CNTNAP5: variants seen among roughly 807,000 people sequenced by gnomAD.
CNTNAP5 encodes contactin-associated protein-like 5.
In CNTNAP5, 72 loss-of-function variants were observed where a neutral mutation model predicts 150.2. That is an observed-to-expected ratio of 0.48 (90% CI 0.40 to 0.58). The LOEUF (loss-of-function observed/expected upper bound fraction) is 0.58, where lower values mean the gene tolerates loss of function less well. Among genes scored for constraint, CNTNAP5 ranks in the 20% least tolerant of loss-of-function variants. The pLI is 0.00. For missense variants in CNTNAP5, 1,636 were observed against 1,626.2 expected, an observed-to-expected ratio of 1.01 and a Z score of -0.10; for synonymous variants, 672 against 619.8, an observed-to-expected ratio of 1.08 and a Z score of -1.25.
intron 10 of CNTNAP5, among the ~76,000 whole-genome samples, chr2:124,561,017 G>A (rs540308375): frequency 1.3e-5 from 2 of 152,064 alleles, no homozygotes; most frequent in South Asian, 4.2e-4. Flanking sequence ...GCTTTGCTCA[G>A]TTTTTCTTTC....
chr2:124,825,061 T>C (rs1023674304), intron 19 of CNTNAP5, among the ~76,000 whole-genome samples: 1 of 152,166 alleles, frequency 6.6e-6, no homozygotes, highest in Admixed American at 6.5e-5. Context: ...AAGAGAATGG[T>C]CAATGAAGAG....
intron 1 of CNTNAP5, among the ~76,000 whole-genome samples, chr2:124,062,804 T>C (rs1338487963): frequency 6.6e-6 from 1 of 151,698 alleles, no homozygotes; most frequent in African/African-American, 2.4e-5. Context: ...TCCTTGGGAG[T>C]TTTTTTGGTG....
intron 2 of CNTNAP5, among the ~76,000 whole-genome samples, chr2:124,224,149 GA>G (rs1260614148): frequency 6.6e-6 from 1 of 151,976 alleles, no homozygotes; most frequent in Non-Finnish European, 1.5e-5. Context: ...ATAAAGTGAA[GA>G]AACAAAAGCT....
intron 19 of CNTNAP5, among the ~76,000 whole-genome samples, chr2:124,801,236 G>A (rs1681959669): frequency 6.6e-6 from 1 of 152,116 alleles, no homozygotes; most frequent in Non-Finnish European, 1.5e-5. Flanking sequence ...GAACTGTGAA[G>A]ATAAGAAAAG....
At chr2:124,408,047 A>T (rs1691626065) in intron 3 of CNTNAP5, among the ~76,000 whole-genome samples, 1 of 152,228 alleles carries the variant, frequency 6.6e-6, no homozygotes. Context: ...CAGCCGAAGC[A>T]GGGCGAGGCA....
At chr2:124,191,008 A>G (rs11902121) in intron 1 of CNTNAP5, among the ~76,000 whole-genome samples, 31,104 of 152,222 alleles carry the variant, frequency 0.2, 3,374 homozygotes, top group African/African-American at 0.24. Flanking sequence ...GAATGATAAC[A>G]GTAGAAGCCT....
chr2:124,495,527 G>T (rs1030923003), intron 7 of CNTNAP5, among the ~76,000 whole-genome samples: 6 of 152,198 alleles, frequency 3.9e-5, no homozygotes, highest in African/African-American at 9.6e-5. Flanking sequence ...AGAGGCCAGA[G>T]GAGAGGTCAT....
chr2:124,158,077 A>G (rs1302950360), intron 1 of CNTNAP5, among the ~76,000 whole-genome samples: 1 of 152,188 alleles, frequency 6.6e-6, no homozygotes, highest in Non-Finnish European at 1.5e-5. Context: ...TCTTGTTAAC[A>G]TTGGTGGGTC....
Position 124,524,358 on chromosome 2 carries a change from C to A in CNTNAP5, c.1383C>A (p.Asn461Lys). Residue 461 changes from asparagine to lysine, a missense_variant, in exon 9 of 24, where the codon AAC becomes AAA. By Grantham distance (94) the Asn-to-Lys change is moderately conservative. Transcript: ENST00000682447. ...CGGTTAGCATCAACGCCAGGAGGAA[C>A]CGCATCACGCTCACTCTGGATGATG... ...WHSVSINARR[N>K]RITLTLDDEA... The A allele has an allele frequency of 6.2e-7, 1 of 1,613,862 alleles. No homozygotes were observed. The highest frequency in any genetic ancestry group is 8.5e-7 in the Non-Finnish European group (1 of 1,179,830).
intron 1 of CNTNAP5, among the ~76,000 whole-genome samples, chr2:124,069,748 G>A (rs1455497228): frequency 3.3e-5 from 5 of 152,064 alleles, no homozygotes; most frequent in Non-Finnish European, 2.9e-5. Context: ...CCAAGCTGTG[G>A]GATTTCTTCA....
intron 1 of CNTNAP5, among the ~76,000 whole-genome samples, chr2:124,202,834 C>T (rs952027839): frequency 5.9e-5 from 9 of 152,142 alleles, no homozygotes; most frequent in Non-Finnish European, 1.2e-4. Flanking sequence ...CACTGGGTCC[C>T]TCCTATAACA....
At chr2:124,761,167 T>C (rs76518420) in intron 14 of CNTNAP5, among the ~76,000 whole-genome samples, 173 of 152,280 alleles carry the variant, frequency 1.1e-3, no homozygotes, top group African/African-American at 3.8e-3. Flanking sequence ...GGTACCACCA[T>C]CATTTGCATC....
At chr2:124,540,232 G>A (rs1462575699) in intron 10 of CNTNAP5, among the ~76,000 whole-genome samples, 2 of 152,134 alleles carry the variant, frequency 1.3e-5, no homozygotes, top group Non-Finnish European at 2.9e-5. Flanking sequence ...TTAGGTAGGG[G>A]GCTATCCCTG....
At chr2:124,255,502 C>T (rs1164749325) in intron 3 of CNTNAP5, among the ~76,000 whole-genome samples, 1 of 150,250 alleles carries the variant, frequency 6.7e-6, no homozygotes, top group East Asian at 1.9e-4. Context: ...CTAGCCTGGG[C>T]AACAGAGCGA....
chr2:124,179,735 A>AAT lies in CNTNAP5; in HGVS notation c.83-41969_83-41968dup, dbSNP rs1339045362. ...GGTTATTCCAAATCACCAAAAGACA[A>AAT]ATGTATTTACAACTTCTATTAAAAT... On this transcript the variant is annotated intron_variant, in intron 1 of 23. Coordinates refer to ENST00000682447, the MANE Select transcript of CNTNAP5 (RefSeq NM_001367498.1). Among the ~76,000 whole-genome samples the AAT allele has an allele frequency of 2.0e-5, 3 of 152,200 alleles. No homozygotes were observed. The East Asian group carries it at 5.8e-4, about 29-fold the overall frequency.
chr2:124,417,479 C>T lies in CNTNAP5; in HGVS notation c.418C>T (p.His140Tyr). The change falls in exon 4 of 24, where the codon CAC becomes TAC. Residue 140 changes from histidine to tyrosine, a missense_variant. Physicochemically the swap from His to Tyr is moderately conservative, Grantham distance 83. Transcript: ENST00000682447. ...AGNMNADSVV[H>Y]HKLLHSVRAR... Reference sequence around the variant, plus strand: ...AAACATGAATGCTGACAGCGTGGTGCACCACAAGCTATTGCACTCAGTGAG... The same window carrying T: ...AAACATGAATGCTGACAGCGTGGTGTACCACAAGCTATTGCACTCAGTGAG... The T allele has an allele frequency of 2.5e-6, 4 of 1,613,916 alleles. No individual in the cohort carries two copies. The highest frequency in any genetic ancestry group is 1.1e-5 in the South Asian group (1 of 91,036).
At chr2:124,495,603 A>G (rs1694123789) in intron 7 of CNTNAP5, among the ~76,000 whole-genome samples, 1 of 152,186 alleles carries the variant, frequency 6.6e-6, no homozygotes, top group African/African-American at 2.4e-5. Context: ...TTCCATTTCT[A>G]AAAATGTGTC....
At chr2:124,786,822 A>T (rs1028044891) in intron 17 of CNTNAP5, among the ~76,000 whole-genome samples, 1 of 152,164 alleles carries the variant, frequency 6.6e-6, no homozygotes, top group African/African-American at 2.4e-5. Flanking sequence ...AGTAGGTAAA[A>T]AGGGCCGCTT....
At chr2:124,355,426 T>A (rs1457212641) in intron 3 of CNTNAP5, among the ~76,000 whole-genome samples, 1 of 152,086 alleles carries the variant, frequency 6.6e-6, no homozygotes, top group African/African-American at 2.4e-5. Flanking sequence ...TGAGGGATGG[T>A]GTTGTGGAAT....
Sources: gnomAD v4.1 joint callset for allele counts (sites outside exome capture counted in the v4.1 genomes callset) on GRCh38, gnomAD v4.1.1 for gene constraint, MANE v1.5 for transcripts, NCBI Gene and HGNC (gene_info 2026-07-23, HGNC 2026-07-21) for gene names.